Variants in TMEM74 observed in about 807,000 individuals in gnomAD.
The protein encoded by TMEM74 is transmembrane protein 74.
A neutral mutation model predicts 18.1 loss-of-function variants in TMEM74; 13 were observed. The ratio of observed to expected loss-of-function variants is 0.72; its 90% confidence interval spans 0.47 to 1.14. The LOEUF is 1.14. Among genes scored for constraint, TMEM74 ranks in the 50% most tolerant of loss-of-function variants. TMEM74 has a pLI of 0.00. For synonymous variants in TMEM74, 159 were observed against 146.6 expected, an observed-to-expected ratio of 1.08 and a Z score of -0.61; for missense variants, 372 against 375.9, an observed-to-expected ratio of 0.99 and a Z score of 0.09.
chr8:108,642,884 C>T lies in TMEM74; in HGVS notation n.264+12409G>A, dbSNP rs150752340. On this transcript the variant is annotated intron_variant and non_coding_transcript_variant, in intron 2 of 3. Transcript: ENST00000518838. Reference sequence around the variant, plus strand: ...AGGAATTGTTACAAGTTCACGACTGCGCTCTGAATGATAATCTGGTAAAAT... The same window carrying T: ...AGGAATTGTTACAAGTTCACGACTGTGCTCTGAATGATAATCTGGTAAAAT... Among the ~76,000 whole-genome samples the T allele has an allele frequency of 2.0e-4, 30 of 152,242 alleles. No individual in the cohort carries two copies. The East Asian group carries it at 3.3e-3, about 17-fold the overall frequency.
At chr8:108,776,469 G>C (rs1324842833), downstream of TMEM74, among the ~76,000 whole-genome samples, 1 of 152,168 alleles carries the variant, frequency 6.6e-6, no homozygotes, top group Admixed American at 6.5e-5. Context: ...CTCCAGCCTG[G>C]GCAACAGAGT....
chr8:108,712,539 T>G (rs1370061990), intron 1 of TMEM74, among the ~76,000 whole-genome samples: 2 of 152,158 alleles, frequency 1.3e-5, no homozygotes, highest in African/African-American at 2.4e-5. Flanking sequence ...CTCCTCATAC[T>G]GCTCGAGCTC....
intron 2 of TMEM74, among the ~76,000 whole-genome samples, chr8:108,648,274 T>C (rs540662754): frequency 6.6e-6 from 1 of 152,224 alleles, no homozygotes; most frequent in East Asian, 1.9e-4. Flanking sequence ...GCCTGGCCTC[T>C]TTCTGAGCTA....
At position 108,611,694 on chromosome 8, in the gene TMEM74, T is replaced by A. The variant is rs557544119; in HGVS notation, n.265-2868A>T. Among the ~76,000 whole-genome samples, 332 of 152,348 alleles carry A rather than the reference T, an allele frequency of 2.2e-3. 1 individual carries two copies. Among genetic ancestry groups the A allele is most frequent in the Admixed American group, 3.1e-3 (48 of 15,300 alleles). On this transcript the variant is annotated intron_variant and non_coding_transcript_variant, in intron 2 of 3. Transcript: ENST00000518838. Reference sequence around the variant, plus strand: ...TTGGTTTCATCTCCTTTCCAATTAATTAACAATGCCAGGTAAATAGTGTGA... The same window carrying A: ...TTGGTTTCATCTCCTTTCCAATTAAATAACAATGCCAGGTAAATAGTGTGA...
chr8:108,667,738 C>A (rs1036510059), intron 1 of TMEM74, among the ~76,000 whole-genome samples: 1 of 152,082 alleles, frequency 6.6e-6, no homozygotes, highest in African/African-American at 2.4e-5. Flanking sequence ...GAATTCCTAG[C>A]TCTAATTCAT....
At position 108,779,476 on chromosome 8, in the gene TMEM74, T is replaced by C. The variant is rs745721052; in HGVS notation, c.*4705A>G. Among the ~76,000 whole-genome samples the C allele has an allele frequency of 6.6e-6, 1 of 152,216 alleles. No individual in the cohort carries two copies. The highest frequency in any genetic ancestry group is 2.1e-4 in the South Asian group (1 of 4,822). On this transcript the variant is annotated 3_prime_UTR_variant, in exon 2 of 2. Transcript: ENST00000297459. ...CCTGAAATAAAATAACAATTCACGG[T>C]AAAATAATTTCCAAATATCTCACAC...
At chr8:108,626,904 C>G (rs1436115350) in intron 2 of TMEM74, 1 of 151,878 alleles carries the variant, frequency 6.6e-6, no homozygotes, top group African/African-American at 2.4e-5. Context: ...TGAACACTCA[C>G]AAGAAATCCA....
At chr8:108,776,613 C>T (rs62509431), downstream of TMEM74, among the ~76,000 whole-genome samples, 11,328 of 152,224 alleles carry the variant, frequency 0.074, 587 homozygotes, top group African/African-American at 0.14. Context: ...CACAATTAAA[C>T]AAAAGACTGT....
chr8:108,765,653 C>A (rs1056483110), intron 1 of TMEM74, among the ~76,000 whole-genome samples: 3 of 152,022 alleles, frequency 2.0e-5, no homozygotes, highest in African/African-American at 7.2e-5. Context: ...AAGTGATCCA[C>A]CCTCCCAGCC....
chr8:108,694,495 A>G (rs1160518117), intron 1 of TMEM74, among the ~76,000 whole-genome samples: 4 of 152,230 alleles, frequency 2.6e-5, no homozygotes, highest in Admixed American at 6.5e-5. Context: ...TAGAAACTTC[A>G]TAAGTTTTTA....
At chr8:108,702,931 A>G (rs1407144598) in intron 1 of TMEM74, among the ~76,000 whole-genome samples, 2 of 151,928 alleles carry the variant, frequency 1.3e-5, no homozygotes, top group African/African-American at 4.8e-5. Flanking sequence ...TTTTGTTAAA[A>G]AAAAAAAAAG....
At chr8:108,730,979 G>A (rs952918170) in intron 1 of TMEM74, among the ~76,000 whole-genome samples, 1 of 152,072 alleles carries the variant, frequency 6.6e-6, no homozygotes. Context: ...AACATGCTTG[G>A]TGTTTTGACC....
intron 1 of TMEM74, among the ~76,000 whole-genome samples, chr8:108,772,472 A>G (rs1047212987): frequency 6.6e-6 from 1 of 152,206 alleles, no homozygotes; most frequent in Admixed American, 6.5e-5. Flanking sequence ...TTGGAAAGAA[A>G]TGACCAATGC....
At chr8:108,643,877 C>T (rs1053036946) in intron 2 of TMEM74, among the ~76,000 whole-genome samples, 3 of 151,952 alleles carry the variant, frequency 2.0e-5, no homozygotes, top group Non-Finnish European at 4.4e-5. Flanking sequence ...AAAAATATTC[C>T]ATGCTCATGG....
At chr8:108,768,616 C>A (rs957767210) in intron 1 of TMEM74, among the ~76,000 whole-genome samples, 21 of 152,144 alleles carry the variant, frequency 1.4e-4, no homozygotes, top group African/African-American at 5.1e-4. Context: ...CGTTTCCCTC[C>A]CCTGTCATAG....
chr8:108,700,194 G>A (rs1162422895), intron 1 of TMEM74, among the ~76,000 whole-genome samples: 1 of 149,578 alleles, frequency 6.7e-6, no homozygotes, highest in Admixed American at 6.7e-5. Context: ...CACGTCAAGG[G>A]ACCATGTGAC....
At chr8:108,699,445 C>T (rs1813314832) in intron 1 of TMEM74, among the ~76,000 whole-genome samples, 1 of 151,964 alleles carries the variant, frequency 6.6e-6, no homozygotes, top group South Asian at 2.1e-4. Flanking sequence ...CACAGAGTAA[C>T]TGAGGTGGGT....
chr8:108,732,654 C>A (rs1290203260), intron 1 of TMEM74, among the ~76,000 whole-genome samples: 1 of 151,540 alleles, frequency 6.6e-6, no homozygotes, highest in Non-Finnish European at 1.5e-5. Flanking sequence ...AAAAATGGTG[C>A]CAGAGGAACT....
At chr8:108,713,230 A>G (rs761667205) in intron 1 of TMEM74, among the ~76,000 whole-genome samples, 3 of 152,200 alleles carry the variant, frequency 2.0e-5, no homozygotes, top group Non-Finnish European at 4.4e-5. Context: ...TAAGAAGATA[A>G]GGCCATAGGA....
Sources: allele counts gnomAD v4.1 joint callset (sites outside exome capture counted in the v4.1 genomes callset), GRCh38; gene constraint gnomAD v4.1.1; transcripts MANE v1.5; gene names NCBI Gene and HGNC (gene_info 2026-07-23, HGNC 2026-07-21).